INPP5B: variants seen among roughly 807,000 people sequenced by gnomAD.
INPP5B encodes the protein inositol polyphosphate-5-phosphatase B, also known as type II inositol 1,4,5-trisphosphate 5-phosphatase.
In INPP5B, 90 loss-of-function variants were observed where a neutral mutation model predicts 118.5. The ratio of observed to expected loss-of-function variants is 0.76; its 90% CI spans 0.64 to 0.90. INPP5B has a LOEUF of 0.90. Ranked by LOEUF, INPP5B falls within the 40% of genes least tolerant of loss-of-function variation. INPP5B has a pLI of 0.00. For missense variants in INPP5B, 984 were observed against 1,125.6 expected, an observed-to-expected ratio of 0.87 and a Z score of 1.80; for synonymous variants, 385 against 418.9, an observed-to-expected ratio of 0.92 and a Z score of 0.99.
chr1:37,927,483 C>T (rs115436750), intron 7 of INPP5B, among the ~76,000 whole-genome samples: 1 of 152,082 alleles, frequency 6.6e-6, no homozygotes. Flanking sequence ...CTGGTCTGAA[C>T]CTGAAGACGT....
intron 15 of INPP5B, among the ~76,000 whole-genome samples, chr1:37,879,270 C>CA (rs560434492): frequency 0.015 from 2,029 of 132,248 alleles, 41 homozygotes; most frequent in African/African-American, 0.049. Flanking sequence ...GACTCCGTCT[C>CA]AAAAAAAAAA....
At chr1:37,890,144 G>A (rs1276149942) in intron 8 of INPP5B, among the ~76,000 whole-genome samples, 1 of 152,076 alleles carries the variant, frequency 6.6e-6, no homozygotes, top group Admixed American at 6.6e-5. Flanking sequence ...GAAGGCCAAG[G>A]GAGGCAACTC....
chr1:37,883,728 G>A (rs12728438), intron 13 of INPP5B: 273,171 of 985,038 alleles, frequency 0.28, 39,003 homozygotes, highest in Non-Finnish European at 0.29. Flanking sequence ...TCCCTGCTAG[G>A]CTCCCTGGAG....
At chr1:37,887,284 GA>G in intron 11 of INPP5B, 66 bp downstream of exon 11, 3 of 1,004,570 alleles carry the variant, frequency 3.0e-6, no homozygotes, top group Non-Finnish European at 4.6e-6. Context: ...TGGAAAAGGT[GA>G]AAAATGATCT....
intron 9 of INPP5B, 150 bp downstream of exon 9, chr1:37,889,407 A>G (rs1189516502): frequency 3.7e-5 from 23 of 624,462 alleles, no homozygotes. Flanking sequence ...CTGTTAATAA[A>G]GAATGCATGG....
intron 7 of INPP5B, among the ~76,000 whole-genome samples, chr1:37,898,634 G>C (rs1644214054): frequency 6.6e-6 from 1 of 151,750 alleles, no homozygotes; most frequent in Admixed American, 6.6e-5. Context: ...GGTGGAGCTT[G>C]CAGTGAGCCG....
In INPP5B at chr1:37,868,232, G is replaced by C. The variant is rs191595082; in HGVS notation, c.2301+269C>G. Among the ~76,000 whole-genome samples, 816 of 149,320 alleles carry C rather than the reference G, an allele frequency of 5.5e-3. 5 individuals are homozygous for C. The highest frequency in any genetic ancestry group is 0.019 in the African/African-American group (789 of 40,548). On this transcript the variant is annotated intron_variant, in intron 20 of 23. Transcript: ENST00000373024. ...GGAGACTGAGGCGGGAGAATCACTT[G>C]AACCCAGGAGGCGGAGGTTGCAGTG...
Position 37,932,055 on chromosome 1 carries a change from TGTGCAGGAA to T in INPP5B, c.392-11_392-3del, listed in dbSNP as rs1387823809. On this transcript the variant is annotated splice_polypyrimidine_tract_variant and splice_region_variant and intron_variant, in intron 6 of 23. Transcript: ENST00000373024. Reference sequence around the variant, plus strand: ...GATCCCGGGTCGCAGAATCGAAGCCTGTGCAGGAACAAATGGGGGCAGACTGAGCCACGA... The same window carrying T: ...GATCCCGGGTCGCAGAATCGAAGCCTCAAATGGGGGCAGACTGAGCCACGA... 1 of 1,587,578 alleles carries T rather than the reference TGTGCAGGAA, an allele frequency of 6.3e-7. No individual in the cohort carries two copies. The highest frequency in any genetic ancestry group is 1.7e-5 in the Admixed American group (1 of 57,726).
At chr1:37,926,409 C>G (rs1645230296) in intron 7 of INPP5B, among the ~76,000 whole-genome samples, 1 of 152,042 alleles carries the variant, frequency 6.6e-6, no homozygotes, top group African/African-American at 2.4e-5. Context: ...TTCAGCCTCT[C>G]AAGTAGCTGG....
chr1:37,919,468 T>C (rs1644980902), intron 7 of INPP5B, among the ~76,000 whole-genome samples: 1 of 152,104 alleles, frequency 6.6e-6, no homozygotes, highest in Non-Finnish European at 1.5e-5. Flanking sequence ...GATCATGCCC[T>C]GCACACACCA....
At position 37,940,716 on chromosome 1, in the gene INPP5B, G is replaced by A. The variant is rs1441840391; in HGVS notation, c.363C>T (p.Phe121=). The change falls in exon 6 of 24, where the codon TTC becomes TTT. Residue 121 remains phenylalanine (F), a synonymous_variant. Transcript: ENST00000373024. ...QLPFGSQTRM[F]LHEVARACPG... ...GACAGGCCCTGGCAACTTCGTGGAG[G>A]AACATCCTGGTTTGTGAACCAAAGG... 6.2e-7 allele frequency: 1 copy of A among 1,613,712 alleles called. No homozygotes were observed. Among genetic ancestry groups the A allele is most frequent in the Non-Finnish European group, 8.5e-7 (1 of 1,179,758 alleles).
rs1367504194 is a variant in INPP5B, at chr1:37,917,308, T to TTTTATATATATATATATATA, written c.532+14604_532+14605insTATATATATATATATATAAA. Among the ~76,000 whole-genome samples the TTTTATATATATATATATATA allele has an allele frequency of 1.1e-3, 104 of 92,790 alleles. 2 individuals carry two copies. Among genetic ancestry groups the TTTTATATATATATATATATA allele is most frequent in the Middle Eastern group, 6.3e-3 (1 of 160 alleles). The allele number at this position is 92,790 out of a possible 152,430, so 60.9% of individuals were successfully genotyped here. ...CGTCTCGGGGGAAAAAAAAAAATAA[T>TTTTATATATATATATATATA]TATATATATATATATATATATATAT... On this transcript the variant is annotated intron_variant, in intron 7 of 23. Transcript: ENST00000373024.
At chr1:37,946,360 G>T (rs781778109) in intron 1 of INPP5B, 26 bp from the exon 2 acceptor site, 1 of 1,565,014 alleles carries the variant, frequency 6.4e-7, no homozygotes, top group Non-Finnish European at 8.7e-7. Context: ...TAGGAGCCCC[G>T]CTTTGGTCAA....
rs1557630767 is a variant in INPP5B, at chr1:37,875,724, G to A, written c.1678-8C>T. ...GTCATTTACGACCCTCACCTGAAAGGGAAACATCAGAGACTGAGTACCTTG... is the reference window on the plus strand; with the variant it reads ...GTCATTTACGACCCTCACCTGAAAGAGAAACATCAGAGACTGAGTACCTTG... On this transcript the variant is annotated splice_region_variant and splice_polypyrimidine_tract_variant and intron_variant, in intron 16 of 23. Coordinates refer to ENST00000373024, the MANE Select transcript of INPP5B (RefSeq NM_005540.3). 1.9e-6 allele frequency: 3 copies of A among 1,604,432 alleles called. No homozygotes were observed. The highest frequency in any genetic ancestry group is 2.6e-6 in the Non-Finnish European group (3 of 1,171,264).
At chr1:37,922,159 G>A (rs1428409746) in intron 7 of INPP5B, among the ~76,000 whole-genome samples, 2 of 152,140 alleles carry the variant, frequency 1.3e-5, no homozygotes, top group East Asian at 1.9e-4. Flanking sequence ...TTGAGATCAT[G>A]CCACTGCACT....
At chr1:37,917,958 T>TTC (rs1042118218) in intron 7 of INPP5B, among the ~76,000 whole-genome samples, 1 of 152,142 alleles carries the variant, frequency 6.6e-6, no homozygotes, top group Non-Finnish European at 1.5e-5. Context: ...CTACAAGACG[T>TTC]TCTGTATGCA....
intron 7 of INPP5B, among the ~76,000 whole-genome samples, chr1:37,915,513 T>C (rs1644833584): frequency 6.6e-6 from 1 of 152,232 alleles, no homozygotes. Context: ...CTTTCAGGAC[T>C]TCAGAACTGC....
intron 7 of INPP5B, among the ~76,000 whole-genome samples, chr1:37,924,623 G>A (rs535193813): frequency 8.5e-4 from 129 of 152,044 alleles, no homozygotes; most frequent in African/African-American, 3.0e-3. Flanking sequence ...ATCGTACAAA[G>A]AGGTCAAGCG....
intron 7 of INPP5B, among the ~76,000 whole-genome samples, chr1:37,916,664 C>T (rs1199287641): frequency 6.6e-6 from 1 of 152,182 alleles, no homozygotes; most frequent in Non-Finnish European, 1.5e-5. Context: ...GATCCGCCTG[C>T]CTCAGCCTCC....
Sources: allele counts gnomAD v4.1 joint callset (sites outside exome capture counted in the v4.1 genomes callset), GRCh38; gene constraint gnomAD v4.1.1; transcripts MANE v1.5; gene names NCBI Gene and HGNC (gene_info 2026-07-23, HGNC 2026-07-21).